The following PIGU variants were observed in gnomAD, a reference collection of about 807,000 sequenced individuals.
PIGU encodes GPI-anchor transamidase component PIGU.
Under a neutral mutation model 49.9 loss-of-function variants are expected in PIGU, and 24 were observed. That is an observed-to-expected ratio of 0.48 (90% CI 0.35 to 0.68). PIGU has a LOEUF of 0.68. PIGU is among the 30% of genes least tolerant of loss of function. PIGU has a pLI of 0.01. For missense variants in PIGU, 490 were observed against 532.6 expected, an observed-to-expected ratio of 0.92 and a Z score of 0.79; for synonymous variants, 220 against 205.7, an observed-to-expected ratio of 1.07 and a Z score of -0.59.
chr20:34,573,410 C>A (rs966349004), intron 11 of PIGU, among the ~76,000 whole-genome samples: 2 of 152,200 alleles, frequency 1.3e-5, no homozygotes, highest in African/African-American at 4.8e-5. Context: ...TTGCAGACAA[C>A]CCCCTGTGCT....
At chr20:34,578,152 T>C (rs961189263) in intron 10 of PIGU, among the ~76,000 whole-genome samples, 4 of 152,188 alleles carry the variant, frequency 2.6e-5, no homozygotes, top group African/African-American at 9.7e-5. Flanking sequence ...GAAACATTAG[T>C]GGTCTAAGAA....
intron 7 of PIGU, among the ~76,000 whole-genome samples, chr20:34,592,382 T>G (rs1161666082): frequency 1.4e-5 from 2 of 147,904 alleles, no homozygotes; most frequent in Non-Finnish European, 3.0e-5. Context: ...CAAAACCAAA[T>G]CTAGTTCTTA....
At chr20:34,675,015 G>A (rs546806700) in intron 1 of PIGU, among the ~76,000 whole-genome samples, 14 of 150,956 alleles carry the variant, frequency 9.3e-5, no homozygotes, top group Non-Finnish European at 1.6e-4. Flanking sequence ...TTGGGAGGCC[G>A]AGGAAGGCAG....
intron 6 of PIGU, 53 bp from the exon 7 acceptor site, chr20:34,616,192 G>A (rs1485560227): frequency 6.3e-7 from 1 of 1,580,684 alleles, no homozygotes; most frequent in Non-Finnish European, 8.6e-7. Flanking sequence ...ATCATGATTA[G>A]ACTCAGCAAG....
In PIGU at chr20:34,635,477, G is replaced by A. The variant is rs1284910839; in HGVS notation, c.429-762C>T. ...TTCCTGAGATGGGAAGGAATGAACT[G>A]AGAAAATGAATTCAAAATGTTTGTG... On this transcript the variant is annotated intron_variant, in intron 5 of 11. Coordinates refer to ENST00000217446, the MANE Select transcript of PIGU (RefSeq NM_080476.5). Among the ~76,000 whole-genome samples the A allele has an allele frequency of 3.3e-5, 5 of 152,240 alleles. No individual in the cohort carries two copies. In the East Asian group the frequency reaches 9.6e-4, roughly 29 times the overall value.
chr20:34,646,830 C>CT lies in PIGU; in HGVS notation c.196-1497dup, dbSNP rs35002457. 1.8e-4 allele frequency among the ~76,000 whole-genome samples: 26 copies of CT among 148,564 alleles called. 1 individual carries two copies. Among genetic ancestry groups the CT allele is most frequent in the South Asian group, 8.5e-4 (4 of 4,696 alleles). ...ATACTTAGGAGTTTTCTTTTCTTTT[C>CT]TTTTTTTTTTGAGACAGACTCTCGC... On this transcript the variant is annotated intron_variant, in intron 2 of 11. Coordinates refer to ENST00000217446, the MANE Select transcript of PIGU (RefSeq NM_080476.5).
At chr20:34,649,562 C>A (rs545847412) in intron 2 of PIGU, among the ~76,000 whole-genome samples, 2 of 151,748 alleles carry the variant, frequency 1.3e-5, no homozygotes, top group East Asian at 3.9e-4. Context: ...GCTCTGTCAC[C>A]CAGGTTGAAG....
chr20:34,676,924 G>C lies in PIGU; in HGVS notation c.130+32C>G, dbSNP rs769398555. The C allele has an allele frequency of 3.2e-6, 5 of 1,557,234 alleles. No individual in the cohort carries two copies. The South Asian group carries it at 4.7e-5, about 15-fold the overall frequency. ...CAGAGGCCGCGGGAGGGCAGGTGGGGCCTGACAGTCTGCTCGAGCCAGTGG... is the reference window on the plus strand; with the variant it reads ...CAGAGGCCGCGGGAGGGCAGGTGGGCCCTGACAGTCTGCTCGAGCCAGTGG... On this transcript the variant is annotated intron_variant, in intron 1 of 11. Transcript: ENST00000217446.
chr20:34,646,547 T>A (rs1306527575), intron 2 of PIGU, among the ~76,000 whole-genome samples: 1 of 151,942 alleles, frequency 6.6e-6, no homozygotes, highest in Admixed American at 6.6e-5. Context: ...TAGCTGGGAT[T>A]ACAGGCGCCT....
intron 1 of PIGU, among the ~76,000 whole-genome samples, chr20:34,657,888 T>C (rs1428629183): frequency 1.3e-5 from 2 of 152,182 alleles, no homozygotes; most frequent in Non-Finnish European, 2.9e-5. Flanking sequence ...ATGGAATGCT[T>C]TATACTTAAA....
chr20:34,671,374 G>A (rs932480426), intron 1 of PIGU, among the ~76,000 whole-genome samples: 1 of 151,806 alleles, frequency 6.6e-6, no homozygotes, highest in African/African-American at 2.4e-5. Flanking sequence ...TGATTCTCCT[G>A]CCTCAACCTC....
chr20:34,563,869 G>C (rs980547479), intron 11 of PIGU, among the ~76,000 whole-genome samples: 1 of 152,138 alleles, frequency 6.6e-6, no homozygotes, highest in East Asian at 1.9e-4. Flanking sequence ...TTGAAATCAC[G>C]TGGCTAGCAT....
intron 1 of PIGU, among the ~76,000 whole-genome samples, chr20:34,670,192 C>CTT (rs11476375): frequency 1.3e-3 from 180 of 137,408 alleles, no homozygotes; most frequent in Middle Eastern, 3.7e-3. Flanking sequence ...GTAATAACGG[C>CTT]TTTTTTTTTT....
chr20:34,603,466 C>T (rs1428437871), intron 7 of PIGU, among the ~76,000 whole-genome samples: 1 of 152,132 alleles, frequency 6.6e-6, no homozygotes, highest in East Asian at 1.9e-4. Flanking sequence ...GAACTGATTT[C>T]TTATCAATTC....
At chr20:34,630,755 T>C (rs1207766900) in intron 6 of PIGU, among the ~76,000 whole-genome samples, 1 of 152,144 alleles carries the variant, frequency 6.6e-6, no homozygotes, top group Non-Finnish European at 1.5e-5. Context: ...CAAGCAATCC[T>C]TCTGCCTCAG....
At chr20:34,654,602 C>T (rs115435035) in intron 2 of PIGU, among the ~76,000 whole-genome samples, 2,038 of 120,346 alleles carry the variant, frequency 0.017, 539 homozygotes, top group African/African-American at 0.06. Context: ...CAAAAGACAG[C>T]TGTTATTTCT....
chr20:34,575,007 C>T (rs1238278338), intron 11 of PIGU, 97 bp downstream of exon 11: 47 of 1,498,792 alleles, frequency 3.1e-5, no homozygotes, highest in Non-Finnish European at 4.1e-5. Context: ...TTCACGTCTG[C>T]ACCCCCCGGT....
intron 7 of PIGU, among the ~76,000 whole-genome samples, chr20:34,590,486 T>C (rs887998205): frequency 1.3e-5 from 2 of 151,624 alleles, no homozygotes; most frequent in African/African-American, 4.8e-5. Flanking sequence ...GAACCCAGGA[T>C]GCAGAGGCTG....
intron 2 of PIGU, among the ~76,000 whole-genome samples, chr20:34,653,428 T>C (rs1198496300): frequency 1.3e-5 from 2 of 152,248 alleles, no homozygotes; most frequent in Admixed American, 6.5e-5. Context: ...TGTAATTTGA[T>C]ACATAAGCAT....
Sources: gnomAD v4.1 joint callset for allele counts (sites outside exome capture counted in the v4.1 genomes callset) on GRCh38, gnomAD v4.1.1 for gene constraint, MANE v1.5 for transcripts, NCBI Gene and HGNC (gene_info 2026-07-23, HGNC 2026-07-21) for gene names.